The following MAGI2 variants were observed in gnomAD, a reference collection of about 807,000 sequenced individuals.
MAGI2 encodes the protein membrane associated guanylate kinase, WW and PDZ domain containing 2.
Under a neutral mutation model 133.3 loss-of-function variants are expected in MAGI2, and 35 were observed. The observed-to-expected ratio is 0.26, with a 90% CI of 0.20 to 0.35. MAGI2 has a LOEUF of 0.35. Among genes scored for constraint, MAGI2 ranks in the 10% least tolerant of loss-of-function variants. The pLI is 1.00. For synonymous variants in MAGI2, 729 were observed against 710.6 expected (o/e 1.03, Z -0.41); for missense variants, 1,636 against 1,863.4 (o/e 0.88, Z 2.25).
intron 2 of MAGI2, among the ~76,000 whole-genome samples, chr7:78,807,647 T>C (rs1788696133): frequency 6.6e-6 from 1 of 152,184 alleles, no homozygotes; most frequent in Non-Finnish European, 1.5e-5. Flanking sequence ...CTCATTAGTC[T>C]TATTTTTGCC....
chr7:79,061,197 T>C (rs1464868762), intron 1 of MAGI2, among the ~76,000 whole-genome samples: 1 of 152,110 alleles, frequency 6.6e-6, no homozygotes, highest in Non-Finnish European at 1.5e-5. Flanking sequence ...AAGATGTTCC[T>C]GAGCATGATA....
intron 1 of MAGI2, among the ~76,000 whole-genome samples, chr7:79,423,211 T>A (rs1304967843): frequency 9.2e-6 from 1 of 109,106 alleles, no homozygotes; most frequent in Non-Finnish European, 1.7e-5. Flanking sequence ...GAAATCGTTG[T>A]ACACATCATC....
chr7:78,609,366 A>T (rs1806187591), intron 3 of MAGI2, among the ~76,000 whole-genome samples: 1 of 152,220 alleles, frequency 6.6e-6, no homozygotes, highest in African/African-American at 2.4e-5. Flanking sequence ...TAACATGACT[A>T]TGCTTCATAC....
intron 9 of MAGI2, among the ~76,000 whole-genome samples, chr7:78,285,202 A>G (rs1308139820): frequency 6.6e-6 from 1 of 152,122 alleles, no homozygotes; most frequent in African/African-American, 2.4e-5. Context: ...CCACATGAGA[A>G]AGTGTTAGCA....
chr7:78,766,296 A>G (rs1334025435), intron 2 of MAGI2, among the ~76,000 whole-genome samples: 2 of 152,340 alleles, frequency 1.3e-5, no homozygotes, highest in East Asian at 1.9e-4. Flanking sequence ...TCAGACTGAG[A>G]GGATCTTAAA....
In MAGI2 at chr7:78,019,698, C is replaced by G; in HGVS notation, c.3985G>C (p.Glu1329Gln). The change falls in exon 22 of 22, where the codon GAG becomes CAG. Residue 1329 changes from glutamate (E) to glutamine (Q), a missense_variant. By Grantham distance (29) the Glu-to-Gln change is conservative (BLOSUM62 2). Around this residue, in one of 5 missense-constraint regions of MAGI2, gnomAD observed 354 missense variants for 298.7 expected, o/e 1.19. Coordinates refer to ENST00000354212, the MANE Select transcript of MAGI2 (RefSeq NM_012301.4). ...CGCCCCTGGCCGCCGGGCGCCTCCT[C>G]GAGCCTCGGCCGCGCGGCCCTCTGC... ...SPQRAARPRL[E>Q]EAPGGQGRPE... 3 of 1,543,604 alleles carry G rather than the reference C, an allele frequency of 1.9e-6. No individual in the cohort carries two copies. The highest frequency in any genetic ancestry group is 2.6e-6 in the Non-Finnish European group (3 of 1,153,656).
At chr7:78,946,872 T>C in intron 2 of MAGI2, 1 of 152,150 alleles carries the variant, frequency 6.6e-6, no homozygotes, top group East Asian at 1.9e-4. Context: ...TTGACTCTTA[T>C]CTTTATTGAT....
intron 2 of MAGI2, among the ~76,000 whole-genome samples, chr7:78,891,952 G>C (rs1246323109): frequency 6.6e-6 from 1 of 152,204 alleles, no homozygotes; most frequent in East Asian, 1.9e-4. Flanking sequence ...CCTGTTTGCA[G>C]ATGACATGAT....
intron 1 of MAGI2, among the ~76,000 whole-genome samples, chr7:79,396,939 T>C (rs1334567645): frequency 5.3e-5 from 8 of 151,974 alleles, no homozygotes; most frequent in Admixed American, 1.3e-4. Flanking sequence ...AAAATAAAAG[T>C]TTTTAAGTAT....
intron 1 of MAGI2, among the ~76,000 whole-genome samples, chr7:79,273,727 A>C (rs1835040033): frequency 6.6e-6 from 1 of 151,514 alleles, no homozygotes; most frequent in Non-Finnish European, 1.5e-5. Flanking sequence ...GGCTCACTTT[A>C]TCTCCTTGCC....
chr7:78,286,349 A>G (rs1419496555), intron 9 of MAGI2, among the ~76,000 whole-genome samples: 1 of 152,104 alleles, frequency 6.6e-6, no homozygotes, highest in African/African-American at 2.4e-5. Context: ...GGGGAGCTGA[A>G]TATTTTACCA....
At chr7:79,432,505 A>C (rs780312466) in intron 1 of MAGI2, among the ~76,000 whole-genome samples, 1 of 152,198 alleles carries the variant, frequency 6.6e-6, no homozygotes, top group Non-Finnish European at 1.5e-5. Flanking sequence ...TGGGAACCTG[A>C]GTGGAGCTGC....
At chr7:78,695,602 G>A (rs1383584780) in intron 2 of MAGI2, among the ~76,000 whole-genome samples, 1 of 152,188 alleles carries the variant, frequency 6.6e-6, no homozygotes, top group East Asian at 1.9e-4. Flanking sequence ...AAGAGTGAGT[G>A]ACTGAATCTC....
Position 78,178,114 on chromosome 7 carries a change from G to C in MAGI2, c.2312-12C>G, listed in dbSNP as rs749657317. The C allele has an allele frequency of 6.4e-7, 1 of 1,556,710 alleles. No homozygotes were observed. Among genetic ancestry groups the C allele is most frequent in the Admixed American group, 1.7e-5 (1 of 59,862 alleles). ...CTTATAATCTGGACCTGGCATAAAG[G>C]AGATCCCATTGAGTAATGAATCCTG... On this transcript the variant is annotated splice_polypyrimidine_tract_variant and intron_variant, in intron 13 of 21. Coordinates refer to ENST00000354212, the MANE Select transcript of MAGI2 (RefSeq NM_012301.4).
chr7:78,740,115 C>G (rs1303620784), intron 2 of MAGI2, among the ~76,000 whole-genome samples: 6 of 151,522 alleles, frequency 4.0e-5, no homozygotes, highest in Admixed American at 3.9e-4. Context: ...GAGCCGAGAT[C>G]GCGCCACTGC....
intron 1 of MAGI2, among the ~76,000 whole-genome samples, chr7:79,440,225 T>C (rs1384712072): frequency 6.6e-6 from 1 of 151,930 alleles, no homozygotes; most frequent in Non-Finnish European, 1.5e-5. Flanking sequence ...AGTTAATGGA[T>C]TCTAGCCTTG....
At chr7:78,890,585 G>A (rs558177667) in intron 2 of MAGI2, among the ~76,000 whole-genome samples, 116 of 152,054 alleles carry the variant, frequency 7.6e-4, no homozygotes, top group African/African-American at 2.4e-3. Context: ...ACTCAAAACC[G>A]CTCAACTACA....
At chr7:79,087,693 C>T (rs866744840) in intron 1 of MAGI2, among the ~76,000 whole-genome samples, 14 of 152,092 alleles carry the variant, frequency 9.2e-5, no homozygotes, top group African/African-American at 3.1e-4. Flanking sequence ...GGAAGGGGTC[C>T]AGTTTCAGTT....
At chr7:78,077,725 GTTTTTTT>G (rs538030969) in intron 21 of MAGI2, among the ~76,000 whole-genome samples, 7 of 101,242 alleles carry the variant, frequency 6.9e-5, no homozygotes, top group Admixed American at 1.2e-4. Flanking sequence ...TCTTTAGAAT[GTTTTTTT>G]TTTTTTTTTT....
Sources: gnomAD v4.1 joint callset for allele counts (sites outside exome capture counted in the v4.1 genomes callset) on GRCh38, gnomAD v4.1.1 for gene constraint, gnomAD v4.1.1 regional missense constraint, MANE v1.5 for transcripts, NCBI Gene and HGNC (gene_info 2026-07-23, HGNC 2026-07-21) for gene names.